The following BRWD1 variants were observed in gnomAD, a reference collection of about 807,000 sequenced individuals.
BRWD1 encodes the protein bromodomain and WD repeat-containing protein 1.
In BRWD1, 82 loss-of-function variants were observed where a neutral mutation model predicts 251.2. That is an observed-to-expected ratio of 0.33 (90% CI 0.27 to 0.39). BRWD1 has a LOEUF of 0.39. Ranked by LOEUF, BRWD1 falls within the 10% of genes least tolerant of loss-of-function variation. The pLI, the probability that BRWD1 is intolerant of heterozygous loss-of-function variation, is 1.00. For missense variants in BRWD1, 2,233 were observed against 2,711.6 expected, an observed-to-expected ratio of 0.82 and a Z score of 3.92; for synonymous variants, 918 against 902.8, an observed-to-expected ratio of 1.02 and a Z score of -0.30.
chr21:39,317,363 C>T (rs1354628923), upstream of BRWD1, among the ~76,000 whole-genome samples: 1 of 152,212 alleles, frequency 6.6e-6, no homozygotes, highest in Non-Finnish European at 1.5e-5. Context: ...CAGTGGGTGA[C>T]ATTAAGCTAT....
At chr21:39,292,068 G>A (rs998588868) in intron 8 of BRWD1, among the ~76,000 whole-genome samples, 1 of 139,880 alleles carries the variant, frequency 7.1e-6, no homozygotes, top group Non-Finnish European at 1.5e-5. Flanking sequence ...TCAACCTCAG[G>A]AGTACCGAGA....
At chr21:39,314,065 G>A (rs940776187), upstream of BRWD1, 1 of 455,890 alleles carries the variant, frequency 2.2e-6, no homozygotes, top group African/African-American at 2.0e-5. Context: ...CGCCCGCTCC[G>A]GGTCGCTCGG....
chr21:39,189,336 A>C lies in BRWD1; in HGVS notation c.*6923T>G. 7.1e-6 allele frequency: 7 copies of C among 985,288 alleles called. No individual in the cohort carries two copies. The highest frequency in any genetic ancestry group is 7.2e-6 in the Non-Finnish European group (6 of 829,800). 61.0% of individuals were successfully genotyped at this position (985,288 alleles called of 1,614,324 possible). On this transcript the variant is annotated 3_prime_UTR_variant, in exon 41 of 41. Coordinates refer to ENST00000342449, the MANE Select transcript of BRWD1 (RefSeq NM_033656.4). ...CTATTTCAACTACAATTTGTAACAA[A>C]ATGCTTTAAGTTGCAGAAATTCCAT...
rs758220758 is a variant in BRWD1 at position 39,198,956 on chromosome 21, A to C, written c.5460T>G (p.Ser1820Arg). 14 of 1,613,928 alleles carry C rather than the reference A, an allele frequency of 8.7e-6. No homozygotes were observed. The highest frequency in any genetic ancestry group is 1.7e-5 in the Admixed American group (1 of 59,984). Residue 1820 changes from serine to arginine, a missense_variant, in exon 40 of 41, where the codon AGT becomes AGG. Around this residue, in one of 12 missense-constraint regions of BRWD1, gnomAD observed 928 missense variants for 970.0 expected, o/e 0.96. Coordinates refer to ENST00000342449, the MANE Select transcript of BRWD1 (RefSeq NM_033656.4). ...ASFFKKTKIL[S>R]DSEDSESEEQ... Reference sequence around the variant, plus strand: ...CTTCAGATTCAGAGTCTTCTGAGTCACTCAGAATCTTGGTTTTTTTAAAGA... The same window carrying C: ...CTTCAGATTCAGAGTCTTCTGAGTCCCTCAGAATCTTGGTTTTTTTAAAGA...
In BRWD1 at chr21:39,188,973, T is replaced by G. The variant is rs1021914222; in HGVS notation, c.*7286A>C. On this transcript the variant is annotated 3_prime_UTR_variant, in exon 41 of 41. Coordinates refer to ENST00000342449, the MANE Select transcript of BRWD1 (RefSeq NM_033656.4). ...CCTTACCTCCTTCAGCTGGACTCTG[T>G]GGGAAGAGAAGTGGCTTAAAGTGCA... 1 of 985,384 alleles carries G rather than the reference T, an allele frequency of 1.0e-6. No individual in the cohort carries two copies. Among genetic ancestry groups the G allele is most frequent in the Admixed American group, 6.1e-5 (1 of 16,276 alleles). The allele number at this position is 985,384 out of a possible 1,614,324, so 61.0% of individuals were successfully genotyped here. A position where few individuals can be genotyped will look rare whatever the true frequency, so the allele number is the denominator to read the frequency against.
chr21:39,250,996 T>A, intron 19 of BRWD1, 107 bp from the exon 20 acceptor site: 1 of 651,524 alleles, frequency 1.5e-6, no homozygotes. Flanking sequence ...TTTATGTACT[T>A]TAAAAATACA....
chr21:39,216,622 T>C, intron 31 of BRWD1: 1 of 327,230 alleles, frequency 3.1e-6, no homozygotes, highest in Non-Finnish European at 5.9e-6. Context: ...AGGCCAGAAG[T>C]ATATGACTGT....
intron 4 of BRWD1, among the ~76,000 whole-genome samples, chr21:39,308,505 A>G (rs577231082): frequency 6.6e-6 from 1 of 151,812 alleles, no homozygotes; most frequent in Non-Finnish European, 1.5e-5. Context: ...AAAAAAAGCA[A>G]AAGTACCAAA....
chr21:39,213,174 G>A (rs1050785093), intron 33 of BRWD1, among the ~76,000 whole-genome samples: 3 of 152,064 alleles, frequency 2.0e-5, no homozygotes, highest in African/African-American at 7.2e-5. Flanking sequence ...TAAAGCACTG[G>A]AATTACAGGT....
chr21:39,210,724 T>C (rs1601280862), intron 35 of BRWD1, 62 bp downstream of exon 35: 1 of 1,517,328 alleles, frequency 6.6e-7, no homozygotes, highest in South Asian at 1.3e-5. Flanking sequence ...TTAATAACTC[T>C]ACCCCAGTTT....
At chr21:39,259,465 T>C (rs8130162) in intron 17 of BRWD1, among the ~76,000 whole-genome samples, 71,312 of 136,594 alleles carry the variant, frequency 0.52, 16,917 homozygotes, top group Admixed American at 0.58. Flanking sequence ...TAATTTTTTG[T>C]ATTTCTTTTT....
chr21:39,302,816 T>G (rs2036163183), intron 4 of BRWD1, among the ~76,000 whole-genome samples: 1 of 151,382 alleles, frequency 6.6e-6, no homozygotes, highest in African/African-American at 2.4e-5. Context: ...TCCCAGCACT[T>G]TGGGAGGCCC....
At chr21:39,222,821 T>C (rs1396927671) in intron 29 of BRWD1, among the ~76,000 whole-genome samples, 1 of 152,176 alleles carries the variant, frequency 6.6e-6, no homozygotes, top group East Asian at 1.9e-4. Context: ...CATGGGACAC[T>C]AATTATAATG....
At chr21:39,312,718 C>G (rs1177246612) in intron 4 of BRWD1, 123 bp downstream of exon 4, 2 of 582,906 alleles carry the variant, frequency 3.4e-6, no homozygotes, top group Non-Finnish European at 5.7e-6. Flanking sequence ...CAGCTATCCC[C>G]GGGCCGCCCC....
At chr21:39,201,284 A>G (rs1451310482) in intron 38 of BRWD1, among the ~76,000 whole-genome samples, 1 of 151,846 alleles carries the variant, frequency 6.6e-6, no homozygotes, top group Non-Finnish European at 1.5e-5. Flanking sequence ...CACCTCAGCT[A>G]CTCCTGTCAA....
intron 28 of BRWD1, 103 bp from the exon 29 acceptor site, chr21:39,224,572 C>T (rs2033307207): frequency 1.4e-6 from 1 of 696,782 alleles, no homozygotes; most frequent in African/African-American, 1.8e-5. Context: ...AACCTCACTG[C>T]AGCAGTACAA....
intron 17 of BRWD1, 142 bp from the exon 18 acceptor site, chr21:39,258,814 A>G (rs753594715): frequency 7.8e-5 from 41 of 527,380 alleles, no homozygotes; most frequent in Non-Finnish European, 1.2e-4. Flanking sequence ...GATACTCTAC[A>G]TATTCACCAA....
At chr21:39,208,075 T>C (rs558356514) in intron 36 of BRWD1, among the ~76,000 whole-genome samples, 4 of 152,328 alleles carry the variant, frequency 2.6e-5, no homozygotes, top group Non-Finnish European at 4.4e-5. Flanking sequence ...TTATAAACGA[T>C]GCCACTGAAT....
Position 39,189,500 on chromosome 21 carries a change from T to G in BRWD1, c.*6759A>C. The stretch of plus-strand genomic sequence containing the variant: ...TTCTGCAGGAAAAAAAAAACTAAAA[T>G]CAGGTTTTTAAAAAATACTTAAGGA... On this transcript the variant is annotated 3_prime_UTR_variant, in exon 41 of 41. Coordinates refer to ENST00000342449, the MANE Select transcript of BRWD1 (RefSeq NM_033656.4). The G allele has an allele frequency of 2.0e-6, 2 of 979,286 alleles. No individual in the cohort carries two copies. The highest frequency in any genetic ancestry group is 2.4e-6 in the Non-Finnish European group (2 of 824,514). 60.7% of individuals were successfully genotyped at this position (979,286 alleles called of 1,614,324 possible).
Sources: gnomAD v4.1 joint callset for allele counts (sites outside exome capture counted in the v4.1 genomes callset) on GRCh38, gnomAD v4.1.1 for gene constraint, gnomAD v4.1.1 regional missense constraint, MANE v1.5 for transcripts, NCBI Gene and HGNC (gene_info 2026-07-23, HGNC 2026-07-21) for gene names.